Variants in MACROD2 observed in about 807,000 individuals in gnomAD.
MACROD2 encodes the protein mono-ADP ribosylhydrolase 2.
A neutral mutation model predicts 70.4 loss-of-function variants in MACROD2; 36 were observed. The ratio of observed to expected loss-of-function variants is 0.51; its 90% CI spans 0.39 to 0.68. MACROD2 has a LOEUF of 0.68. Ranked by LOEUF, MACROD2 falls within the 30% of genes least tolerant of loss-of-function variation. The probability of loss-of-function intolerance (pLI) is 0.00; values close to 1 mark genes in which losing one functional copy is unlikely to be tolerated. For missense variants in MACROD2, 496 were observed against 538.4 expected (o/e 0.92, Z 0.78); for synonymous variants, 172 against 178.8 (o/e 0.96, Z 0.30).
At chr20:14,500,565 G>C (rs1891171619) in intron 4 of MACROD2, among the ~76,000 whole-genome samples, 1 of 152,196 alleles carries the variant, frequency 6.6e-6, no homozygotes, top group Non-Finnish European at 1.5e-5. Context: ...TCGTGGTAGA[G>C]GAAGGTGAGG....
intron 7 of MACROD2, among the ~76,000 whole-genome samples, chr20:15,461,006 A>ATTTTTTTT (rs951397131): frequency 1.5e-3 from 101 of 66,812 alleles, no homozygotes; most frequent in East Asian, 3.7e-3. Context: ...ATATATATAT[A>ATTTTTTTT]TTTTTTTTTA....
intron 5 of MACROD2, among the ~76,000 whole-genome samples, chr20:14,784,917 A>G (rs1341562316): frequency 6.6e-6 from 1 of 152,056 alleles, no homozygotes; most frequent in Non-Finnish European, 1.5e-5. Flanking sequence ...TACATATAGT[A>G]TATCATTACA....
chr20:15,638,115 T>G (rs1322990934), intron 8 of MACROD2, among the ~76,000 whole-genome samples: 4 of 152,192 alleles, frequency 2.6e-5, no homozygotes, highest in Non-Finnish European at 1.5e-5. Context: ...CATTGTTCCA[T>G]GCCACCTGGC....
intron 5 of MACROD2, among the ~76,000 whole-genome samples, chr20:14,833,496 T>C (rs536925193): frequency 6.6e-6 from 1 of 152,250 alleles, no homozygotes; most frequent in South Asian, 2.1e-4. Flanking sequence ...GGTATATTCA[T>C]ATCTGTTTTT....
intron 3 of MACROD2, among the ~76,000 whole-genome samples, chr20:14,466,755 CA>C (rs1157558516): frequency 6.6e-6 from 1 of 152,104 alleles, no homozygotes; most frequent in Non-Finnish European, 1.5e-5. Flanking sequence ...TTCTAACAGT[CA>C]GGACCCTCAG....
At chr20:14,570,378 C>A (rs1980107927) in intron 4 of MACROD2, among the ~76,000 whole-genome samples, 1 of 151,940 alleles carries the variant, frequency 6.6e-6, no homozygotes, top group Middle Eastern at 3.4e-3. Flanking sequence ...AGAAGAGGAC[C>A]TTCTTGAGTG....
At chr20:16,044,513 G>C in intron 16 of MACROD2, 58 bp from the exon 17 acceptor site, 1 of 1,408,946 alleles carries the variant, frequency 7.1e-7, no homozygotes, top group Non-Finnish European at 9.9e-7. Context: ...TCATTTTAAT[G>C]TGTCTCAGAG....
At chr20:14,540,768 C>T (rs1353811081) in intron 4 of MACROD2, among the ~76,000 whole-genome samples, 2 of 152,176 alleles carry the variant, frequency 1.3e-5, no homozygotes, top group African/African-American at 4.8e-5. Context: ...CTGCTATCAG[C>T]ACCCTTAGAG....
In MACROD2 at chr20:16,041,262, T is replaced by C. The variant is rs2147611331; in HGVS notation, c.1215T>C (p.Asn405=). The C allele has an allele frequency of 6.2e-7, 1 of 1,611,990 alleles. No homozygotes were observed. ...GKSEGSSDLE[N]TPGPDVEMNS... is the part of the protein sequence containing the mutation. ...GTGAAGGCTCCAGTGACCTAGAAAA[T>C]ACTCCAGGTCCTGATGGTAAGGTTC... The change falls in exon 16 of 18, where the codon AAT becomes AAC. Residue 405 remains asparagine (N), a synonymous_variant. Transcript: ENST00000684519.
chr20:14,862,935 A>C (rs1342664716), intron 5 of MACROD2, among the ~76,000 whole-genome samples: 1 of 151,136 alleles, frequency 6.6e-6, no homozygotes, highest in Non-Finnish European at 1.5e-5. Context: ...TAGTAATACA[A>C]AAATGCTGAT....
chr20:15,437,230 A>G (rs1235531235), intron 7 of MACROD2, among the ~76,000 whole-genome samples: 2 of 152,156 alleles, frequency 1.3e-5, no homozygotes, highest in Non-Finnish European at 2.9e-5. Context: ...TCTCTGGACT[A>G]TGTTTTCTTC....
intron 3 of MACROD2, among the ~76,000 whole-genome samples, chr20:14,453,522 A>G (rs565978774): frequency 2.4e-4 from 37 of 152,258 alleles, no homozygotes; most frequent in Non-Finnish European, 4.7e-4. Flanking sequence ...AAACTGAGGC[A>G]TATGCAGCAT....
intron 3 of MACROD2, among the ~76,000 whole-genome samples, chr20:14,483,730 A>G (rs966923866): frequency 1.3e-5 from 2 of 152,196 alleles, no homozygotes; most frequent in African/African-American, 2.4e-5. Flanking sequence ...TTTAAACCTT[A>G]AGCTTCTAAA....
chr20:14,171,172 C>A (rs979586767), intron 3 of MACROD2, among the ~76,000 whole-genome samples: 1 of 151,920 alleles, frequency 6.6e-6, no homozygotes, highest in African/African-American at 2.4e-5. Context: ...TTTTGTATTT[C>A]TGTGGTATCA....
At chr20:14,947,051 C>T (rs953850897) in intron 5 of MACROD2, among the ~76,000 whole-genome samples, 5 of 152,142 alleles carry the variant, frequency 3.3e-5, no homozygotes, top group African/African-American at 7.2e-5. Context: ...ACCTGGCTGT[C>T]GGATCCTTGG....
intron 15 of MACROD2, among the ~76,000 whole-genome samples, chr20:16,033,857 T>TGGG (rs1555811147): frequency 3.6e-5 from 5 of 140,770 alleles, no homozygotes; most frequent in South Asian, 2.3e-4. Flanking sequence ...CAGTAGGGGG[T>TGGG]GGGGTGGGGG....
rs1036096306 is a variant in MACROD2 at position 14,852,921 on chromosome 20, G to T, written c.418+167962G>T. On this transcript the variant is annotated intron_variant, in intron 5 of 17. Transcript: ENST00000684519. ...CTCGGAGTCTACAGCATGTTTCAAAGACGTTGCTGTCCTCAAGAAACATAA... is the reference window on the plus strand; with the variant it reads ...CTCGGAGTCTACAGCATGTTTCAAATACGTTGCTGTCCTCAAGAAACATAA... 8.5e-5 allele frequency among the ~76,000 whole-genome samples: 13 copies of T among 152,250 alleles called. No individual in the cohort carries two copies. The East Asian group carries it at 2.3e-3, about 27-fold the overall frequency.
chr20:14,116,016 G>T (rs2054509157), intron 3 of MACROD2, among the ~76,000 whole-genome samples: 1 of 152,158 alleles, frequency 6.6e-6, no homozygotes, highest in Non-Finnish European at 1.5e-5. Flanking sequence ...GCCCTGCATT[G>T]TGATAGAATT....
At chr20:14,423,876 G>A (rs561271691) in intron 3 of MACROD2, among the ~76,000 whole-genome samples, 1 of 148,202 alleles carries the variant, frequency 6.7e-6, no homozygotes, top group Admixed American at 6.8e-5. Context: ...GATTCTCCTG[G>A]CCCAGCCTCC....
Sources: allele counts gnomAD v4.1 joint callset (sites outside exome capture counted in the v4.1 genomes callset), GRCh38; gene constraint gnomAD v4.1.1; transcripts MANE v1.5; gene names NCBI Gene and HGNC (gene_info 2026-07-23, HGNC 2026-07-21).